The following DOCK2 variants were observed in gnomAD, a reference collection of about 807,000 sequenced individuals.
DOCK2 encodes the protein dedicator of cytokinesis protein 2.
In DOCK2, 87 loss-of-function variants were observed where a neutral mutation model predicts 248.9. That is an observed-to-expected ratio of 0.35 (90% confidence interval 0.29 to 0.42). The LOEUF is 0.42. DOCK2 is among the 10% of genes least tolerant of loss of function. The probability of loss-of-function intolerance (pLI) is 1.00; values close to 1 mark genes in which losing one functional copy is unlikely to be tolerated. For missense variants in DOCK2, 1,747 were observed against 2,300.2 expected (o/e 0.76, Z 4.92); for synonymous variants, 805 against 821.6 (o/e 0.98, Z 0.35).
chr5:169,789,805 C>G (rs1766215879), intron 25 of DOCK2, among the ~76,000 whole-genome samples: 1 of 152,216 alleles, frequency 6.6e-6, no homozygotes, highest in East Asian at 1.9e-4. Flanking sequence ...ATCTTCTTAG[C>G]TGAGTGCTTT....
At chr5:169,882,515 A>C in intron 27 of DOCK2, 1 of 1,491,612 alleles carries the variant, frequency 6.7e-7, no homozygotes, top group South Asian at 1.3e-5. Context: ...AAATGACTTC[A>C]CCCAGTCATT....
intron 27 of DOCK2, among the ~76,000 whole-genome samples, chr5:169,924,130 T>G (rs33374): frequency 1.2e-4 from 18 of 152,060 alleles, no homozygotes; most frequent in African/African-American, 4.3e-4. Flanking sequence ...GGCACCTGCA[T>G]GCTCCCAGTC....
intron 51 of DOCK2, 23 bp downstream of exon 51, chr5:170,082,007 G>T (rs771922132): frequency 6.2e-7 from 1 of 1,611,348 alleles, no homozygotes; most frequent in South Asian, 1.1e-5. Context: ...AGGGTGGAAG[G>T]AAAGGAAGGC....
chr5:169,801,533 T>C (rs1230719802), intron 25 of DOCK2, among the ~76,000 whole-genome samples: 1 of 152,236 alleles, frequency 6.6e-6, no homozygotes, highest in Non-Finnish European at 1.5e-5. Flanking sequence ...TGTGTATTAG[T>C]ACCGTTGGCA....
At chr5:170,057,804 C>A (rs1009245228) in intron 44 of DOCK2, 138 bp downstream of exon 44, 2 of 724,836 alleles carry the variant, frequency 2.8e-6, no homozygotes, top group Non-Finnish European at 4.3e-6. Flanking sequence ...AATTCCCATG[C>A]AGGCAGCATT....
intron 21 of DOCK2, 81 bp downstream of exon 21, chr5:169,717,565 A>T: frequency 7.5e-7 from 1 of 1,332,270 alleles, no homozygotes; most frequent in Non-Finnish European, 1.1e-6. Context: ...GAACTTGAGT[A>T]ATTTTCTTTT....
At chr5:169,773,832 T>G (rs1449844527) in intron 25 of DOCK2, among the ~76,000 whole-genome samples, 1 of 152,160 alleles carries the variant, frequency 6.6e-6, no homozygotes, top group Non-Finnish European at 1.5e-5. Flanking sequence ...TCCCTTATAC[T>G]GTTCTCATGG....
chr5:169,730,220 G>C (rs565065000), intron 22 of DOCK2, among the ~76,000 whole-genome samples: 1 of 152,200 alleles, frequency 6.6e-6, no homozygotes, highest in African/African-American at 2.4e-5. Context: ...GCCTCCCAAA[G>C]TGCTGGGATT....
chr5:170,050,240 C>CA lies in DOCK2; in HGVS notation c.4072-15dup. On this transcript the variant is annotated splice_polypyrimidine_tract_variant and intron_variant, in intron 40 of 51. Coordinates refer to ENST00000520908, the MANE Select transcript of DOCK2 (RefSeq NM_004946.3). ...CCTGGGTCCCCAAATCTCTAATGAG[C>CA]ATCCTTTCTCTGCAGAACAAAGTGT... is the stretch of plus-strand genomic sequence containing the variant. 6.2e-7 allele frequency: 1 copy of CA among 1,612,646 alleles called. No homozygotes were observed. The highest frequency in any genetic ancestry group is 8.5e-7 in the Non-Finnish European group (1 of 1,179,158).
At chr5:169,765,398 A>G (rs2113752839) in intron 25 of DOCK2, among the ~76,000 whole-genome samples, 1 of 152,298 alleles carries the variant, frequency 6.6e-6, no homozygotes, top group East Asian at 1.9e-4. Context: ...TGAGAAACTT[A>G]CAAACACTAA....
intron 6 of DOCK2, among the ~76,000 whole-genome samples, chr5:169,680,236 G>T (rs746225564): frequency 1.6e-4 from 24 of 152,168 alleles, no homozygotes; most frequent in Non-Finnish European, 3.1e-4. Context: ...GTAAAATGGG[G>T]TTATTGATAG....
At chr5:169,984,396 G>A (rs992719055) in intron 28 of DOCK2, among the ~76,000 whole-genome samples, 2 of 152,158 alleles carry the variant, frequency 1.3e-5, no homozygotes, top group Non-Finnish European at 2.9e-5. Flanking sequence ...ATGAGAATTT[G>A]TAGGAGACCA....
chr5:169,978,499 G>C (rs963928489), intron 27 of DOCK2, among the ~76,000 whole-genome samples: 1 of 151,664 alleles, frequency 6.6e-6, no homozygotes, highest in South Asian at 2.1e-4. Context: ...TCATGATGAT[G>C]ATGATGATGA....
Position 170,075,210 on chromosome 5 carries a change from A to G in DOCK2, c.4729-737A>G, listed in dbSNP as rs114044912. Among the ~76,000 whole-genome samples, 1,341 of 152,174 alleles carry G rather than the reference A, an allele frequency of 8.8e-3. 20 individuals are homozygous for G. Among genetic ancestry groups the G allele is most frequent in the African/African-American group, 0.03 (1,266 of 41,516 alleles). ...TGTTTCCCTGAGACCACACAACTAA[A>G]GTTCTCAGTTCTCTTTCTGACAGTG... On this transcript the variant is annotated intron_variant, in intron 46 of 51. Coordinates refer to ENST00000520908, the MANE Select transcript of DOCK2 (RefSeq NM_004946.3).
chr5:169,710,126 C>A (rs1006216721), intron 15 of DOCK2, among the ~76,000 whole-genome samples: 2 of 152,166 alleles, frequency 1.3e-5, no homozygotes, highest in Non-Finnish European at 2.9e-5. Flanking sequence ...CATAGAGTGA[C>A]AGAAAAACTT....
chr5:169,970,614 G>A (rs1777469018), intron 27 of DOCK2, among the ~76,000 whole-genome samples: 1 of 152,196 alleles, frequency 6.6e-6, no homozygotes, highest in South Asian at 2.1e-4. Flanking sequence ...TTGCAGGGTA[G>A]TTCCCAAGAA....
At chr5:169,706,664 G>A (rs1480087232) in intron 14 of DOCK2, among the ~76,000 whole-genome samples, 1 of 152,240 alleles carries the variant, frequency 6.6e-6, no homozygotes, top group African/African-American at 2.4e-5. Flanking sequence ...AAAACAAGGA[G>A]AGCTGTGTGT....
intron 26 of DOCK2, among the ~76,000 whole-genome samples, chr5:169,807,068 G>A (rs1461773226): frequency 1.3e-5 from 2 of 150,428 alleles, no homozygotes; most frequent in African/African-American, 5.0e-5. Context: ...TCACTGGCTG[G>A]GGGTCCCCGG....
chr5:169,969,914 C>A (rs1777438852), intron 27 of DOCK2, among the ~76,000 whole-genome samples: 1 of 152,226 alleles, frequency 6.6e-6, no homozygotes. Context: ...ATCCAAAATT[C>A]AATGCAAGTT....
Sources: allele counts gnomAD v4.1 joint callset (sites outside exome capture counted in the v4.1 genomes callset), GRCh38; gene constraint gnomAD v4.1.1; transcripts MANE v1.5; gene names NCBI Gene and HGNC (gene_info 2026-07-23, HGNC 2026-07-21).